The following VIT variants were observed in gnomAD, a reference collection of about 807,000 sequenced individuals.
VIT encodes the protein vitrin.
Under a neutral mutation model 78.0 loss-of-function variants are expected in VIT, and 99 were observed. The ratio of observed to expected loss-of-function variants is 1.27; its 90% CI spans 1.08 to 1.50. The LOEUF (loss-of-function observed/expected upper bound fraction) is 1.50. VIT is among the 40% of genes most tolerant of loss of function. VIT has a pLI of 0.00. For missense variants in VIT, 1,126 were observed against 875.3 expected, an observed-to-expected ratio of 1.29 and a Z score of -3.61; for synonymous variants, 374 against 334.3, an observed-to-expected ratio of 1.12 and a Z score of -1.29.
chr2:36,757,283 TC>T (rs2148556948), intron 5 of VIT, among the ~76,000 whole-genome samples: 1 of 152,328 alleles, frequency 6.6e-6, no homozygotes, highest in African/African-American at 2.4e-5. Flanking sequence ...CTTAACTAAT[TC>T]ACTTTGGTGA....
chr2:36,723,224 G>A (rs903499754), intron 2 of VIT, among the ~76,000 whole-genome samples: 60 of 152,114 alleles, frequency 3.9e-4, no homozygotes, highest in African/African-American at 1.1e-3. Context: ...TATTGTTGGC[G>A]TGTTTTCAAC....
At chr2:36,787,690 G>T in intron 12 of VIT, 2 of 342,090 alleles carry the variant, frequency 5.8e-6, no homozygotes, top group Non-Finnish European at 1.1e-5. Flanking sequence ...TTTGTTTGAG[G>T]GACTCCACCC....
chr2:36,754,307 C>CTTGCAAAGAA, intron 4 of VIT, among the ~76,000 whole-genome samples: 1 of 124,548 alleles, frequency 8.0e-6, no homozygotes, highest in Non-Finnish European at 1.9e-5. Flanking sequence ...GAAATGACAA[C>CTTGCAAAGAA]GTAAAAGTGC....
chr2:36,772,182 G>C (rs1419891375), intron 7 of VIT, among the ~76,000 whole-genome samples: 1 of 152,140 alleles, frequency 6.6e-6, no homozygotes, highest in African/African-American at 2.4e-5. Flanking sequence ...GCCGAGGCAG[G>C]AGGATCACTT....
At chr2:36,794,327 C>G (rs931351274) in intron 12 of VIT, among the ~76,000 whole-genome samples, 2 of 86,028 alleles carry the variant, frequency 2.3e-5, no homozygotes, top group Non-Finnish European at 5.2e-5. Flanking sequence ...TTGATATTCC[C>G]TAGAAAAAAA....
chr2:36,752,868 A>G (rs560571510), intron 4 of VIT, among the ~76,000 whole-genome samples: 3 of 152,232 alleles, frequency 2.0e-5, no homozygotes, highest in Non-Finnish European at 4.4e-5. Flanking sequence ...TACATACCCA[A>G]AGGAATACAA....
At chr2:36,759,146 C>T (rs1333607259) in intron 6 of VIT, 100 bp downstream of exon 6, 5 of 1,607,782 alleles carry the variant, frequency 3.1e-6, no homozygotes, top group Non-Finnish European at 4.2e-6. Flanking sequence ...ACCGGTCAAG[C>T]TCCACTGGCT....
chr2:36,777,203 A>C (rs553982831), intron 9 of VIT, among the ~76,000 whole-genome samples: 1 of 151,324 alleles, frequency 6.6e-6, no homozygotes, highest in Non-Finnish European at 1.5e-5. Flanking sequence ...GTAATTTCTA[A>C]ATGATAAAAA....
intron 15 of VIT, among the ~76,000 whole-genome samples, chr2:36,809,687 T>C (rs1296415147): frequency 2.0e-5 from 3 of 152,220 alleles, no homozygotes; most frequent in Admixed American, 2.0e-4. Flanking sequence ...AGTGCCAGAA[T>C]TACAGTAGTG....
chr2:36,722,892 G>T (rs1393544936), intron 2 of VIT, among the ~76,000 whole-genome samples: 1 of 151,742 alleles, frequency 6.6e-6, no homozygotes, highest in East Asian at 1.9e-4. Flanking sequence ...AAATCTATAT[G>T]ATTTCAGTAT....
chr2:36,781,343 T>C (rs909153795), intron 9 of VIT, among the ~76,000 whole-genome samples: 3 of 152,206 alleles, frequency 2.0e-5, no homozygotes, highest in Non-Finnish European at 2.9e-5. Context: ...TGGTTGAATA[T>C]GTAATGAATC....
chr2:36,769,502 A>G (rs542480913), intron 7 of VIT, among the ~76,000 whole-genome samples: 1 of 152,284 alleles, frequency 6.6e-6, no homozygotes, highest in Admixed American at 6.5e-5. Context: ...CTGCTAGACA[A>G]ACGCTCGGAG....
At chr2:36,802,188 T>C (rs1163762932) in intron 13 of VIT, among the ~76,000 whole-genome samples, 1 of 152,216 alleles carries the variant, frequency 6.6e-6, no homozygotes, top group African/African-American at 2.4e-5. Flanking sequence ...AAATTCCATT[T>C]TATGTTTATC....
At chr2:36,719,990 T>A (rs1005288405) in intron 2 of VIT, among the ~76,000 whole-genome samples, 1 of 152,104 alleles carries the variant, frequency 6.6e-6, no homozygotes, top group Admixed American at 6.5e-5. Flanking sequence ...CATACATAAA[T>A]GGAAAGATAT....
chr2:36,730,357 T>C (rs1558521690), intron 3 of VIT, among the ~76,000 whole-genome samples: 1 of 152,124 alleles, frequency 6.6e-6, no homozygotes, highest in Non-Finnish European at 1.5e-5. Context: ...CTGCAGTTTC[T>C]TTCTCTCTCC....
At chr2:36,802,825 C>T (rs1199029069) in intron 13 of VIT, among the ~76,000 whole-genome samples, 1 of 152,198 alleles carries the variant, frequency 6.6e-6, no homozygotes, top group African/African-American at 2.4e-5. Flanking sequence ...ATCCGTTCAA[C>T]TGATTCCAAC....
chr2:36,766,884 C>G (rs1669461605), intron 6 of VIT, among the ~76,000 whole-genome samples: 1 of 152,156 alleles, frequency 6.6e-6, no homozygotes, highest in African/African-American at 2.4e-5. Context: ...TATTTTATTG[C>G]TATTGAATCT....
chr2:36,748,318 C>A (rs540253730), intron 4 of VIT, among the ~76,000 whole-genome samples: 13 of 152,294 alleles, frequency 8.5e-5, no homozygotes, highest in African/African-American at 2.6e-4. Flanking sequence ...CCTCAAATAT[C>A]TTTTCTAAGT....
intron 9 of VIT, 126 bp from the exon 10 acceptor site, chr2:36,781,601 C>A: frequency 1.0e-6 from 1 of 985,740 alleles, no homozygotes; most frequent in Non-Finnish European, 1.5e-6. Flanking sequence ...AAAATTCTGG[C>A]CCTCTGTTCC....
Sources: gnomAD v4.1 joint callset for allele counts (sites outside exome capture counted in the v4.1 genomes callset) on GRCh38, gnomAD v4.1.1 for gene constraint, MANE v1.5 for transcripts, NCBI Gene and HGNC (gene_info 2026-07-23, HGNC 2026-07-21) for gene names.